Variants in PHACTR1 observed in about 807,000 individuals in gnomAD.
The protein encoded by PHACTR1 is RPEL repeat containing 1.
PHACTR1 carries 16 observed loss-of-function variants against 69.2 expected under a neutral mutation model. The ratio of observed to expected loss-of-function variants is 0.23; its 90% CI spans 0.16 to 0.35. The LOEUF (loss-of-function observed/expected upper bound fraction) is 0.35. Among genes scored for constraint, PHACTR1 ranks in the 10% least tolerant of loss-of-function variants. PHACTR1 has a pLI of 1.00. For missense variants in PHACTR1, 510 were observed against 734.7 expected, an observed-to-expected ratio of 0.69 and a Z score of 3.54; for synonymous variants, 312 against 284.5, an observed-to-expected ratio of 1.10 and a Z score of -0.97.
chr6:13,024,249 A>G (rs998577586), intron 4 of PHACTR1, among the ~76,000 whole-genome samples: 1 of 152,214 alleles, frequency 6.6e-6, no homozygotes, highest in African/African-American at 2.4e-5. Flanking sequence ...CTGCACAATT[A>G]GGGACCATCC....
At chr6:13,096,552 C>G (rs2127845192) in intron 5 of PHACTR1, among the ~76,000 whole-genome samples, 1 of 152,200 alleles carries the variant, frequency 6.6e-6, no homozygotes, top group East Asian at 1.9e-4. Flanking sequence ...AGTAATTACA[C>G]TTGGGAGGCT....
chr6:13,143,580 A>G (rs144219000), intron 5 of PHACTR1, among the ~76,000 whole-genome samples: 134 of 152,326 alleles, frequency 8.8e-4, no homozygotes, highest in African/African-American at 3.0e-3. Context: ...TACATTTTCA[A>G]TTGTGGAAAT....
intron 4 of PHACTR1, among the ~76,000 whole-genome samples, chr6:12,770,592 G>A (rs1049266719): frequency 2.6e-5 from 4 of 152,300 alleles, no homozygotes; most frequent in Middle Eastern, 3.4e-3. Context: ...AAACTCATTT[G>A]GCATTTAAGT....
intron 4 of PHACTR1, among the ~76,000 whole-genome samples, chr6:12,754,228 C>T (rs1227166237): frequency 6.6e-6 from 1 of 151,162 alleles, no homozygotes; most frequent in South Asian, 2.1e-4. Context: ...CTGCCTTGGC[C>T]TCCCAAAGTG....
rs1784334370 is a variant in PHACTR1 at position 12,893,306 on chromosome 6, T to C, written c.250+143516T>C. On this transcript the variant is annotated intron_variant, in intron 4 of 14. Transcript: ENST00000332995. ...ATGCACTTCACATCAGGCACACAAA[T>C]GCGAGGGAGGCTGGGGCACAGAAAT... Among the ~76,000 whole-genome samples, 4 of 152,146 alleles carry C rather than the reference T, an allele frequency of 2.6e-5. No individual in the cohort carries two copies. In the South Asian group the frequency reaches 8.3e-4, roughly 32 times the overall value.
intron 4 of PHACTR1, among the ~76,000 whole-genome samples, chr6:12,868,804 G>A (rs2127436819): frequency 6.6e-6 from 1 of 152,192 alleles, no homozygotes; most frequent in South Asian, 2.1e-4. Flanking sequence ...ACCCCAGGCA[G>A]GCATTCTATC....
rs184903828 is a variant in PHACTR1, at chr6:13,229,209, T to C, written c.1235-828T>C. On this transcript the variant is annotated intron_variant, in intron 9 of 14. Transcript: ENST00000332995. ...TTTGGGACCAGATAATTCTTTGGTGTGGGGCCGTCCTGTACACTGTGGGAT... is the reference window on the plus strand; with the variant it reads ...TTTGGGACCAGATAATTCTTTGGTGCGGGGCCGTCCTGTACACTGTGGGAT... 2.9e-3 allele frequency among the ~76,000 whole-genome samples: 440 copies of C among 152,354 alleles called. 2 individuals carry two copies. The highest frequency in any genetic ancestry group is 9.9e-3 in the African/African-American group (412 of 41,586).
At chr6:12,951,644 T>C (rs943678602) in intron 4 of PHACTR1, among the ~76,000 whole-genome samples, 2 of 152,124 alleles carry the variant, frequency 1.3e-5, no homozygotes, top group African/African-American at 4.8e-5. Context: ...TCTTCCTGGA[T>C]CAAGTCCCTG....
At chr6:12,807,744 G>A (rs1774511991) in intron 4 of PHACTR1, among the ~76,000 whole-genome samples, 1 of 152,156 alleles carries the variant, frequency 6.6e-6, no homozygotes, top group African/African-American at 2.4e-5. Flanking sequence ...GAGCATCACA[G>A]GCATAGCTTG....
chr6:12,843,921 A>G (rs1778944224), intron 4 of PHACTR1, among the ~76,000 whole-genome samples: 1 of 152,236 alleles, frequency 6.6e-6, no homozygotes, highest in African/African-American at 2.4e-5. Flanking sequence ...TGCAGTAGAA[A>G]CAAAATAATT....
At chr6:12,777,596 A>G (rs9472520) in intron 4 of PHACTR1, among the ~76,000 whole-genome samples, 10,372 of 142,082 alleles carry the variant, frequency 0.073, 462 homozygotes, top group Admixed American at 0.11. Context: ...ATAATATTCC[A>G]TGGTGTATAT....
At chr6:13,144,506 TA>T (rs1447787743) in intron 5 of PHACTR1, among the ~76,000 whole-genome samples, 1 of 152,122 alleles carries the variant, frequency 6.6e-6, no homozygotes, top group Non-Finnish European at 1.5e-5. Flanking sequence ...CTCAATATTG[TA>T]AAGATGCCAG....
intron 4 of PHACTR1, among the ~76,000 whole-genome samples, chr6:12,921,522 G>C (rs1424560541): frequency 2.4e-5 from 3 of 125,094 alleles, no homozygotes; most frequent in Admixed American, 1.6e-4. Flanking sequence ...GAAGGAAGGG[G>C]AGGGAGGGAG....
At chr6:12,958,209 C>T (rs1792144337) in intron 4 of PHACTR1, among the ~76,000 whole-genome samples, 1 of 152,126 alleles carries the variant, frequency 6.6e-6, no homozygotes, top group Non-Finnish European at 1.5e-5. Context: ...AGGCTGGAGC[C>T]CACGGTGTTA....
intron 3 of PHACTR1, among the ~76,000 whole-genome samples, chr6:12,742,075 T>A (rs980180662): frequency 6.6e-6 from 1 of 151,978 alleles, no homozygotes; most frequent in African/African-American, 2.4e-5. Flanking sequence ...ATAGAAAAAA[T>A]GATTTGGGGG....
rs572478881 is a variant in PHACTR1, at chr6:13,238,998, A to G, written c.1391+8805A>G. On this transcript the variant is annotated intron_variant, in intron 10 of 14. Coordinates refer to ENST00000332995, the MANE Select transcript of PHACTR1 (RefSeq NM_030948.6). ...CTAGCCCTTGAGGTTGTGCGCCATT[A>G]TCATCACCATCATCATCCTCCTCCT... Among the ~76,000 whole-genome samples, 44 of 152,188 alleles carry G rather than the reference A, an allele frequency of 2.9e-4. 1 individual carries two copies. Among genetic ancestry groups the G allele is most frequent in the Non-Finnish European group, 5.4e-4 (37 of 68,042 alleles).
intron 4 of PHACTR1, among the ~76,000 whole-genome samples, chr6:12,845,165 G>A (rs369701590): frequency 1.7e-4 from 26 of 152,134 alleles, no homozygotes; most frequent in Non-Finnish European, 3.2e-4. Context: ...AATTTACAGC[G>A]TGATTATGTG....
chr6:13,086,074 A>G (rs1478240223), intron 5 of PHACTR1, among the ~76,000 whole-genome samples: 1 of 143,074 alleles, frequency 7.0e-6, no homozygotes, highest in African/African-American at 2.7e-5. Context: ...TAAAGAAGAT[A>G]CACATTTCTA....
At chr6:12,853,469 G>A (rs868549721) in intron 4 of PHACTR1, among the ~76,000 whole-genome samples, 11 of 152,348 alleles carry the variant, frequency 7.2e-5, no homozygotes, top group Middle Eastern at 3.4e-3. Flanking sequence ...AATGTGCTGA[G>A]AGAGTGAAAA....
Sources: allele counts gnomAD v4.1 joint callset (sites outside exome capture counted in the v4.1 genomes callset), GRCh38; gene constraint gnomAD v4.1.1; transcripts MANE v1.5; gene names NCBI Gene and HGNC (gene_info 2026-07-23, HGNC 2026-07-21).